SLC66A2: variants seen among roughly 807,000 people sequenced by gnomAD.
The protein encoded by SLC66A2 is PQ loop repeat containing 1.
In SLC66A2, 23 loss-of-function variants were observed where a neutral mutation model predicts 25.5. The observed-to-expected ratio is 0.90, with a 90% CI of 0.65 to 1.28. The LOEUF (loss-of-function observed/expected upper bound fraction) is 1.28. Among genes scored for constraint, SLC66A2 ranks in the 50% most tolerant of loss-of-function variants. SLC66A2 has a pLI of 0.00. For synonymous variants in SLC66A2, 193 were observed against 166.5 expected (o/e 1.16, Z -1.23); for missense variants, 396 against 373.1 (o/e 1.06, Z -0.51).
In SLC66A2 at chr18:79,943,293, T is replaced by A. The variant is rs115480570; in HGVS notation, c.337+36A>T. 7,820 of 1,608,868 alleles carry A rather than the reference T, an allele frequency of 4.9e-3. 216 individuals carry two copies. In the African/African-American group the frequency reaches 0.063, roughly 13 times the overall value. Reference sequence around the variant, plus strand: ...TCACCAGAGTCACCTACGCCCTGATTCCCTGCGACTTTATTCCGAAGCGCC... The same window carrying A: ...TCACCAGAGTCACCTACGCCCTGATACCCTGCGACTTTATTCCGAAGCGCC... On this transcript the variant is annotated intron_variant, in intron 3 of 5. Coordinates refer to ENST00000397778, the MANE Select transcript of SLC66A2 (RefSeq NM_025078.5).
rs2123158189 is a variant in SLC66A2, at chr18:79,903,282, G to C, written c.*694C>G. 1 of 152,520 alleles carries C rather than the reference G, an allele frequency of 6.6e-6. No individual in the cohort carries two copies. Among genetic ancestry groups the C allele is most frequent in the Middle Eastern group, 3.4e-3 (1 of 296 alleles). The allele number at this position is 152,520 out of a possible 1,614,324, so 9.4% of individuals were successfully genotyped here. A position where few individuals can be genotyped will look rare whatever the true frequency, so the allele number is the denominator to read the frequency against. ...GTCCCCAAGGACTCGAGGAGAACCA[G>C]AGGCTGACAAGAGCAGCATGAGCTA... On this transcript the variant is annotated 3_prime_UTR_variant, in exon 6 of 6. Transcript: ENST00000397778.
chr18:79,910,165 TC>T (rs1982852521), intron 5 of SLC66A2, among the ~76,000 whole-genome samples: 1 of 14,720 alleles, frequency 6.8e-5, no homozygotes. Context: ...CTTCCCCACA[TC>T]CTCACCATAG....
chr18:79,936,170 C>T (rs912014991), intron 3 of SLC66A2, among the ~76,000 whole-genome samples: 3 of 152,080 alleles, frequency 2.0e-5, no homozygotes, highest in East Asian at 1.9e-4. Flanking sequence ...GTCGGTACGG[C>T]GTGTATGGGG....
intron 2 of SLC66A2, among the ~76,000 whole-genome samples, chr18:79,946,818 T>A (rs1468999052): frequency 6.6e-6 from 1 of 152,056 alleles, no homozygotes; most frequent in Non-Finnish European, 1.5e-5. Flanking sequence ...ATACAAAAAT[T>A]AGCTGGGCGT....
rs1599463225 is a variant in SLC66A2, at chr18:79,904,114, G to A, written c.678C>T (p.Ala226=). 4 of 1,613,038 alleles carry A rather than the reference G, an allele frequency of 2.5e-6. No individual in the cohort carries two copies. Among genetic ancestry groups the A allele is most frequent in the East Asian group, 2.2e-5 (1 of 44,858 alleles). The change falls in exon 6 of 6, where the codon GCC becomes GCT. Residue 226 remains alanine (A), a synonymous_variant. Coordinates refer to ENST00000397778, the MANE Select transcript of SLC66A2 (RefSeq NM_025078.5). The surrounding 1 kb of genome is among the most constrained non-coding windows in gnomAD (Gnocchi z 6.3). ...FKTAYFLLKG[A]PLQFSVCGLL... ...GGCCGCACACGGAGAACTGCAGAGG[G>A]GCACCCTTCAGCAGGAAGTAGGCCG...
chr18:79,935,813 A>G (rs1477664727), intron 3 of SLC66A2, among the ~76,000 whole-genome samples: 1 of 152,168 alleles, frequency 6.6e-6, no homozygotes, highest in Admixed American at 6.5e-5. Flanking sequence ...AGAGAGAGAG[A>G]GAGAAAAAGC....
At chr18:79,915,740 GC>G (rs1250291995) in intron 5 of SLC66A2, 2 of 152,190 alleles carry the variant, frequency 1.3e-5, no homozygotes, top group Non-Finnish European at 2.9e-5. Context: ...TCTCACAGGG[GC>G]TTGGCACTCA....
chr18:79,934,868 C>G (rs576343115), intron 3 of SLC66A2, among the ~76,000 whole-genome samples: 1 of 152,324 alleles, frequency 6.6e-6, no homozygotes, highest in South Asian at 2.1e-4. Context: ...AAAGCAAATA[C>G]GAGGTGACCT....
intron 2 of SLC66A2, chr18:79,944,238 C>T (rs1987971239): frequency 6.5e-6 from 1 of 153,130 alleles, no homozygotes; most frequent in South Asian, 2.1e-4. Flanking sequence ...AGCCCAGTTT[C>T]TAGCTCACAG....
chr18:79,936,796 G>A (rs116668263), intron 3 of SLC66A2, among the ~76,000 whole-genome samples: 317 of 152,298 alleles, frequency 2.1e-3, no homozygotes, highest in African/African-American at 7.4e-3. Flanking sequence ...ATGCAGCAGC[G>A]ACCTGACCTC....
In SLC66A2 at chr18:79,914,785, A is replaced by C. The variant is rs1387114187; in HGVS notation, c.608+4399T>G. Among the ~76,000 whole-genome samples, 3 of 152,220 alleles carry C rather than the reference A, an allele frequency of 2.0e-5. No individual in the cohort carries two copies. In the East Asian group the frequency reaches 5.8e-4, roughly 29 times the overall value. Reference sequence around the variant, plus strand: ...AAAGAGACGGAGCTTCAGACGCGCAAGTGGAGCCGGCTCCAGACTCAGCCC... The same window carrying C: ...AAAGAGACGGAGCTTCAGACGCGCACGTGGAGCCGGCTCCAGACTCAGCCC... On this transcript the variant is annotated intron_variant, in intron 5 of 5. Coordinates refer to ENST00000397778, the MANE Select transcript of SLC66A2 (RefSeq NM_025078.5).
At chr18:79,931,805 G>A (rs938670896) in intron 4 of SLC66A2, among the ~76,000 whole-genome samples, 1 of 152,062 alleles carries the variant, frequency 6.6e-6, no homozygotes, top group African/African-American at 2.4e-5. Flanking sequence ...CTGAGCTCTG[G>A]AGTTTGAGAC....
intron 1 of SLC66A2, among the ~76,000 whole-genome samples, chr18:79,951,357 T>G (rs113238839): frequency 0.2 from 26,481 of 130,196 alleles, 2,546 homozygotes; most frequent in African/African-American, 0.29. Flanking sequence ...CGGGGCGCAC[T>G]GTTCGGGGGA....
intron 2 of SLC66A2, 43 bp downstream of exon 2, chr18:79,950,681 C>T (rs983420811): frequency 6.3e-7 from 1 of 1,597,618 alleles, no homozygotes; most frequent in Non-Finnish European, 8.6e-7. Flanking sequence ...AGGAGAAACC[C>T]TCTTCTCCGG....
At position 79,950,982 on chromosome 18, in the gene SLC66A2, C is replaced by T. The variant is rs1331106322; in HGVS notation, c.-56G>A. 3.0e-6 allele frequency: 4 copies of T among 1,355,462 alleles called. No homozygotes were observed. Among genetic ancestry groups the T allele is most frequent in the Non-Finnish European group, 9.7e-7 (1 of 1,035,358 alleles). The allele number at this position is 1,355,462 out of a possible 1,614,324, so 84.0% of individuals were successfully genotyped here. A position where few individuals can be genotyped will look rare whatever the true frequency, so the allele number is the denominator to read the frequency against. On this transcript the variant is annotated 5_prime_UTR_variant, in exon 2 of 6. Coordinates refer to ENST00000397778, the MANE Select transcript of SLC66A2 (RefSeq NM_025078.5). ...GGCTCCGCGCCCCGCGGGCCACCGGCCGCCTGCTCATCGCCGCTCCGCGCG... is the reference window on the plus strand; with the variant it reads ...GGCTCCGCGCCCCGCGGGCCACCGGTCGCCTGCTCATCGCCGCTCCGCGCG...
At chr18:79,906,495 G>T (rs896191097) in intron 5 of SLC66A2, among the ~76,000 whole-genome samples, 2 of 152,094 alleles carry the variant, frequency 1.3e-5, no homozygotes, top group Admixed American at 1.3e-4. Flanking sequence ...ATTGTTTAAA[G>T]GTGTGTTGTT....
Position 79,904,793 on chromosome 18 carries a change from G to A in SLC66A2, c.609-610C>T, listed in dbSNP as rs184977820. Among the ~76,000 whole-genome samples, 17 of 152,306 alleles carry A rather than the reference G, an allele frequency of 1.1e-4. No individual in the cohort carries two copies. In the East Asian group the frequency reaches 1.4e-3, roughly 12 times the overall value. ...CCAGTCCGAACACGCTTCCCCCACCGCTGTGTTCATGCCCTGGCTTGCCTA... is the reference window on the plus strand; with the variant it reads ...CCAGTCCGAACACGCTTCCCCCACCACTGTGTTCATGCCCTGGCTTGCCTA... On this transcript the variant is annotated intron_variant, in intron 5 of 5. Coordinates refer to ENST00000397778, the MANE Select transcript of SLC66A2 (RefSeq NM_025078.5). This position sits in a 1 kb window ranked among gnomAD's most constrained non-coding sequence, Gnocchi z 6.3.
chr18:79,931,910 G>C (rs1986610065), intron 4 of SLC66A2, among the ~76,000 whole-genome samples: 1 of 152,146 alleles, frequency 6.6e-6, no homozygotes, highest in African/African-American at 2.4e-5. Flanking sequence ...CCAGCTACTT[G>C]GGAGGCTGAG....
At chr18:79,924,583 T>C (rs996652681) in intron 4 of SLC66A2, among the ~76,000 whole-genome samples, 7 of 152,308 alleles carry the variant, frequency 4.6e-5, no homozygotes, top group Non-Finnish European at 8.8e-5. Flanking sequence ...TTGTGAATTT[T>C]ATGTTATGTA....
Sources: allele counts gnomAD v4.1 joint callset (sites outside exome capture counted in the v4.1 genomes callset), GRCh38; gene constraint gnomAD v4.1.1; non-coding constraint Gnocchi (gnomAD v3.1); transcripts MANE v1.5; gene names NCBI Gene and HGNC (gene_info 2026-07-23, HGNC 2026-07-21).